Variants in ENDOD1 observed in about 807,000 individuals in gnomAD.
ENDOD1 encodes the protein endonuclease domain-containing 1 protein.
ENDOD1 carries 9 observed loss-of-function variants against 6.5 expected under a neutral mutation model. The observed-to-expected ratio is 1.39, with a 90% CI of 0.84 to 2.43. ENDOD1 has a LOEUF of 2.43. Ranked by LOEUF, ENDOD1 falls within the 30% of genes most tolerant of loss-of-function variation. ENDOD1 has a pLI of 0.00. For missense variants in ENDOD1, 648 were observed against 635.5 expected (o/e 1.02, Z -0.21); for synonymous variants, 255 against 255.2 (o/e 1.00, Z 0.01).
intron 1 of ENDOD1, among the ~76,000 whole-genome samples, chr11:95,105,080 T>G (rs1164267886): frequency 6.6e-6 from 1 of 152,160 alleles, no homozygotes; most frequent in African/African-American, 2.4e-5. Flanking sequence ...TGTGGATATA[T>G]CTCCCAGGAC....
chr11:95,120,966 A>G (rs757666166), intron 1 of ENDOD1, among the ~76,000 whole-genome samples: 1 of 152,068 alleles, frequency 6.6e-6, no homozygotes, highest in African/African-American at 2.4e-5. Flanking sequence ...CACTGAGTTC[A>G]ATGCCTCGCA....
At chr11:95,092,930 C>A (rs927972342) in intron 1 of ENDOD1, among the ~76,000 whole-genome samples, 1 of 152,160 alleles carries the variant, frequency 6.6e-6, no homozygotes, top group South Asian at 2.1e-4. Flanking sequence ...CCAAGAGGAC[C>A]CGCACACAGG....
intron 1 of ENDOD1, among the ~76,000 whole-genome samples, chr11:95,108,026 T>TCAC (rs1232784921): frequency 1.3e-5 from 2 of 152,208 alleles, no homozygotes; most frequent in Non-Finnish European, 1.5e-5. Context: ...CTGTGTGTGA[T>TCAC]GAGCAGCCAG....
At chr11:95,113,959 C>T (rs1859175936) in intron 1 of ENDOD1, among the ~76,000 whole-genome samples, 1 of 152,096 alleles carries the variant, frequency 6.6e-6, no homozygotes, top group Admixed American at 6.5e-5. Context: ...GGATATAAGC[C>T]ATTTTAACCA....
intron 1 of ENDOD1, among the ~76,000 whole-genome samples, chr11:95,123,480 T>TTAAC (rs1350073414): frequency 6.6e-6 from 1 of 151,464 alleles, no homozygotes; most frequent in Non-Finnish European, 1.5e-5. Context: ...TGTAGCCCAT[T>TTAAC]GTTAGTAAGA....
At chr11:95,092,577 AGAG>A in intron 1 of ENDOD1, among the ~76,000 whole-genome samples, 1 of 152,200 alleles carries the variant, frequency 6.6e-6, no homozygotes, top group Admixed American at 6.5e-5. Context: ...TGCTGTGCTG[AGAG>A]GTCAGAATGG....
At chr11:95,118,670 C>T (rs1302669595) in intron 1 of ENDOD1, among the ~76,000 whole-genome samples, 1 of 152,176 alleles carries the variant, frequency 6.6e-6, no homozygotes, top group Non-Finnish European at 1.5e-5. Flanking sequence ...TGTTCTATAA[C>T]CTTCTTGTAC....
At chr11:95,110,954 C>T (rs556076496) in intron 1 of ENDOD1, among the ~76,000 whole-genome samples, 12 of 152,212 alleles carry the variant, frequency 7.9e-5, no homozygotes, top group South Asian at 4.2e-4. Context: ...TTCAGAGAAA[C>T]GGCTTGTGAA....
At chr11:95,091,430 G>C (rs898347509) in intron 1 of ENDOD1, among the ~76,000 whole-genome samples, 1 of 152,194 alleles carries the variant, frequency 6.6e-6, no homozygotes, top group South Asian at 2.1e-4. Context: ...CTCAACTGTT[G>C]ATAACACTTG....
intron 1 of ENDOD1, among the ~76,000 whole-genome samples, chr11:95,111,868 C>T (rs1859153974): frequency 6.6e-6 from 1 of 152,218 alleles, no homozygotes; most frequent in African/African-American, 2.4e-5. Flanking sequence ...GCCCCAGCCT[C>T]CCAGTGTTCC....
rs1483072622 is a variant in ENDOD1 at position 95,097,958 on chromosome 11, T to A, written c.300+7731T>A. Among the ~76,000 whole-genome samples, 3 of 152,208 alleles carry A rather than the reference T, an allele frequency of 2.0e-5. No individual in the cohort carries two copies. In the South Asian group the frequency reaches 6.2e-4, roughly 32 times the overall value. Reference sequence around the variant, plus strand: ...TAATACTGGTTGAGTATCCCTAATCTGAAATGCTTGGGACCAGAAGTGTTT... The same window carrying A: ...TAATACTGGTTGAGTATCCCTAATCAGAAATGCTTGGGACCAGAAGTGTTT... On this transcript the variant is annotated intron_variant, in intron 1 of 1. Coordinates refer to ENST00000278505, the MANE Select transcript of ENDOD1 (RefSeq NM_015036.3).
At chr11:95,094,996 T>C (rs1442801534) in intron 1 of ENDOD1, among the ~76,000 whole-genome samples, 1 of 152,186 alleles carries the variant, frequency 6.6e-6, no homozygotes, top group African/African-American at 2.4e-5. Flanking sequence ...TAGTAAATAT[T>C]AATATGTATA....
chr11:95,129,535 C>T lies in ENDOD1; in HGVS notation c.1459C>T (p.Arg487Trp), dbSNP rs773816467. 5.6e-6 allele frequency: 9 copies of T among 1,613,946 alleles called. No homozygotes were observed. The highest frequency in any genetic ancestry group is 2.2e-5 in the East Asian group (1 of 44,882). Residue 487 changes from arginine (R) to tryptophan (W), a missense_variant, in exon 2 of 2, where the codon CGG becomes TGG. Coordinates refer to ENST00000278505, the MANE Select transcript of ENDOD1 (RefSeq NM_015036.3). ...TCAGGTGGTTTTTAGTGTCTGCAAG[C>T]GGATTGGCTACAAGGTTACTTTTGA... ...LFQVVFSVCK[R>W]IGYKVTFDNS...
intron 1 of ENDOD1, among the ~76,000 whole-genome samples, chr11:95,121,191 T>C (rs79010674): frequency 0.04 from 6,122 of 152,248 alleles, 160 homozygotes; most frequent in Non-Finnish European, 0.06. Context: ...TAGATAGTTA[T>C]TAAATTGGTG....
intron 1 of ENDOD1, among the ~76,000 whole-genome samples, chr11:95,126,203 C>G (rs1859310466): frequency 6.6e-6 from 1 of 152,156 alleles, no homozygotes; most frequent in Admixed American, 6.5e-5. Flanking sequence ...CCTCAATACC[C>G]CTATGCATAC....
At chr11:95,101,081 A>G (rs1555110814) in intron 1 of ENDOD1, among the ~76,000 whole-genome samples, 2 of 152,122 alleles carry the variant, frequency 1.3e-5, no homozygotes, top group Non-Finnish European at 2.9e-5. Context: ...CTGGTTGTCT[A>G]ACACAAAGAC....
chr11:95,092,320 G>T (rs1161055543), intron 1 of ENDOD1, among the ~76,000 whole-genome samples: 2 of 152,104 alleles, frequency 1.3e-5, no homozygotes, highest in African/African-American at 4.8e-5. Context: ...GTGGGGAGGA[G>T]CCACCAAGGA....
At chr11:95,114,901 G>A (rs1859190883) in intron 1 of ENDOD1, among the ~76,000 whole-genome samples, 1 of 152,164 alleles carries the variant, frequency 6.6e-6, no homozygotes, top group African/African-American at 2.4e-5. Flanking sequence ...CTATAGCTCT[G>A]TAGTATAATT....
At chr11:95,114,667 T>C (rs1555112304) in intron 1 of ENDOD1, among the ~76,000 whole-genome samples, 3 of 152,236 alleles carry the variant, frequency 2.0e-5, no homozygotes, top group African/African-American at 7.2e-5. Context: ...ATTTGACTTT[T>C]GTATATAATA....
Sources: allele counts gnomAD v4.1 joint callset (sites outside exome capture counted in the v4.1 genomes callset), GRCh38; gene constraint gnomAD v4.1.1; transcripts MANE v1.5; gene names NCBI Gene and HGNC (gene_info 2026-07-23, HGNC 2026-07-21).